Variants in ITGB5 observed in about 807,000 individuals in gnomAD.
ITGB5 encodes the protein integrin subunit beta 5.
A neutral mutation model predicts 84.8 loss-of-function variants in ITGB5; 38 were observed. The ratio of observed to expected loss-of-function variants is 0.45; its 90% CI spans 0.35 to 0.59. ITGB5 has a LOEUF of 0.59. ITGB5 is among the 20% of genes least tolerant of loss of function. The probability of loss-of-function intolerance (pLI) is 0.01; values close to 1 mark genes in which losing one functional copy is unlikely to be tolerated. For missense variants in ITGB5, 905 were observed against 1,034.5 expected, an observed-to-expected ratio of 0.87 and a Z score of 1.72; for synonymous variants, 393 against 414.4, an observed-to-expected ratio of 0.95 and a Z score of 0.63.
intron 1 of ITGB5, among the ~76,000 whole-genome samples, chr3:124,879,890 G>A (rs1241557627): frequency 6.6e-6 from 1 of 152,188 alleles, no homozygotes; most frequent in African/African-American, 2.4e-5. Context: ...TTTAGAAAAG[G>A]GGGTCACAGA....
At chr3:124,892,527 T>TAAA (rs34284622), upstream of ITGB5, among the ~76,000 whole-genome samples, 28 of 106,248 alleles carry the variant, frequency 2.6e-4, no homozygotes, top group Non-Finnish European at 4.2e-4. Flanking sequence ...CCATCTCTAT[T>TAAA]AAAAAAAAAA....
At chr3:124,829,553 C>A (rs1213681173) in intron 5 of ITGB5, among the ~76,000 whole-genome samples, 1 of 152,228 alleles carries the variant, frequency 6.6e-6, no homozygotes, top group Non-Finnish European at 1.5e-5. Flanking sequence ...CTTCTCCCTT[C>A]ACCTATTCCC....
intron 9 of ITGB5, among the ~76,000 whole-genome samples, chr3:124,797,810 C>T (rs986610364): frequency 3.3e-5 from 5 of 152,282 alleles, no homozygotes; most frequent in Admixed American, 2.0e-4. Flanking sequence ...TCTATGAAAA[C>T]GCACAGACAG....
chr3:124,817,016 A>G (rs2064611254), intron 8 of ITGB5, among the ~76,000 whole-genome samples: 1 of 152,156 alleles, frequency 6.6e-6, no homozygotes, highest in Non-Finnish European at 1.5e-5. Context: ...GGAGTTCAAG[A>G]TCAGACCAAC....
At chr3:124,806,641 G>A (rs1336131175) in intron 9 of ITGB5, among the ~76,000 whole-genome samples, 3 of 151,652 alleles carry the variant, frequency 2.0e-5, no homozygotes, top group Admixed American at 1.3e-4. Flanking sequence ...GTTTCACCGT[G>A]TTAGCCAGGA....
At chr3:124,831,099 T>G (rs1251480725) in intron 5 of ITGB5, among the ~76,000 whole-genome samples, 3 of 152,174 alleles carry the variant, frequency 2.0e-5, no homozygotes, top group African/African-American at 7.2e-5. Context: ...AAAGGGTCTA[T>G]TCCCTCTTTT....
chr3:124,829,313 G>A (rs760879818), intron 5 of ITGB5, among the ~76,000 whole-genome samples: 35 of 152,166 alleles, frequency 2.3e-4, no homozygotes, highest in African/African-American at 7.0e-4. Flanking sequence ...AACCAATTTC[G>A]CTAAACATGA....
At chr3:124,786,211 G>A (rs917617622) in intron 10 of ITGB5, among the ~76,000 whole-genome samples, 1 of 152,118 alleles carries the variant, frequency 6.6e-6, no homozygotes, top group Non-Finnish European at 1.5e-5. Context: ...TGTTTCCAAG[G>A]AAATGATCTC....
chr3:124,835,212 G>A (rs1203251109), intron 5 of ITGB5, among the ~76,000 whole-genome samples: 2 of 152,168 alleles, frequency 1.3e-5, no homozygotes, highest in African/African-American at 2.4e-5. Flanking sequence ...AGTTCCCACC[G>A]CTCAACCCAG....
At chr3:124,827,111 A>G (rs1360643469) in intron 5 of ITGB5, among the ~76,000 whole-genome samples, 5 of 152,222 alleles carry the variant, frequency 3.3e-5, no homozygotes, top group African/African-American at 7.2e-5. Context: ...ACAAAACAAC[A>G]AAACAAAACA....
chr3:124,805,211 T>C (rs2064381789), intron 9 of ITGB5, among the ~76,000 whole-genome samples: 1 of 151,674 alleles, frequency 6.6e-6, no homozygotes, highest in Non-Finnish European at 1.5e-5. Context: ...GTCCCAGTCA[T>C]GGCTCACTGC....
At chr3:124,874,329 A>AAAAAAAAAAAAAAAC in intron 1 of ITGB5, among the ~76,000 whole-genome samples, 1 of 151,424 alleles carries the variant, frequency 6.6e-6, no homozygotes, top group African/African-American at 2.4e-5. Flanking sequence ...AAAAAAAAGA[A>AAAAAAAAAAAAAAAC]AGAAAGAAAA....
chr3:124,763,718 C>T lies in ITGB5; in HGVS notation c.2305G>A (p.Ala769Thr). 1 of 1,580,814 alleles carries T rather than the reference C, an allele frequency of 6.3e-7. No individual in the cohort carries two copies. ...GGCTTTCTGTATAATGGATTTGAAG[C>T]CTACAGAACACGGCGGGGAAGAGGA... ...SERSRARYEMASNPLYRKPIS... is the reference protein window; with the variant it reads ...SERSRARYEMTSNPLYRKPIS... Residue 769 changes from alanine to threonine, a missense_variant and splice_region_variant, in exon 15 of 15, where the codon GCT becomes ACT. Ala to Thr is a moderately conservative substitution (Grantham distance 58, BLOSUM62 0). This residue lies in a region of ITGB5 where 133 missense variants were observed against 122.8 expected (regional missense o/e 1.08). Coordinates refer to ENST00000296181, the MANE Select transcript of ITGB5 (RefSeq NM_002213.5).
At chr3:124,781,891 A>G (rs1397513370) in intron 10 of ITGB5, among the ~76,000 whole-genome samples, 2 of 152,004 alleles carry the variant, frequency 1.3e-5, no homozygotes, top group African/African-American at 4.8e-5. Context: ...GTGCAACCTC[A>G]CCCACCTACC....
At position 124,835,403 on chromosome 3, in the gene ITGB5, C is replaced by T. The variant is rs547375730; in HGVS notation, c.780+5980G>A. Among the ~76,000 whole-genome samples the T allele has an allele frequency of 7.2e-5, 11 of 152,378 alleles. No homozygotes were observed. The South Asian group carries it at 2.3e-3, about 32-fold the overall frequency. On this transcript the variant is annotated intron_variant, in intron 5 of 14. Transcript: ENST00000296181. Reference sequence around the variant, plus strand: ...CATAGAAAGCCAAGGGGAAGCTGCGCCACACCTGTCTGACAACAACCCTAC... The same window carrying T: ...CATAGAAAGCCAAGGGGAAGCTGCGTCACACCTGTCTGACAACAACCCTAC...
chr3:124,889,185 C>T (rs1422465767), upstream of ITGB5, among the ~76,000 whole-genome samples: 1 of 152,200 alleles, frequency 6.6e-6, no homozygotes, highest in Non-Finnish European at 1.5e-5. Flanking sequence ...AGTCATCCCT[C>T]TGAGGCTCAC....
Position 124,886,915 on chromosome 3 carries a change from G to C in ITGB5, c.70+16C>G, listed in dbSNP as rs1209004623. The C allele has an allele frequency of 8.3e-7, 1 of 1,209,542 alleles. No individual in the cohort carries two copies. The highest frequency in any genetic ancestry group is 1.0e-6 in the Non-Finnish European group (1 of 972,792). 74.9% of individuals were successfully genotyped at this position (1,209,542 alleles called of 1,614,324 possible). On this transcript the variant is annotated intron_variant, in intron 1 of 14. Coordinates refer to ENST00000296181, the MANE Select transcript of ITGB5 (RefSeq NM_002213.5). The stretch of plus-strand genomic sequence containing the variant: ...GCGACAAAGTTTCTCTGGGCGCCGT[G>C]GGCGGCGCGGCTTACCTGCGAGCCG...
intron 9 of ITGB5, among the ~76,000 whole-genome samples, chr3:124,800,060 GAGGCCCAGAGAGAA>G (rs2064293937): frequency 6.6e-6 from 1 of 152,148 alleles, no homozygotes; most frequent in South Asian, 2.1e-4. Context: ...CCTCCCTTCT[GAGGCCCAGAGAGAA>G]ACTTGCTTGC....
At chr3:124,826,772 G>C (rs1228471049) in intron 5 of ITGB5, among the ~76,000 whole-genome samples, 5 of 152,226 alleles carry the variant, frequency 3.3e-5, no homozygotes, top group African/African-American at 9.6e-5. Flanking sequence ...ATGGAAGGTT[G>C]CATCTAAAAT....
Sources: gnomAD v4.1 joint callset for allele counts (sites outside exome capture counted in the v4.1 genomes callset) on GRCh38, gnomAD v4.1.1 for gene constraint, gnomAD v4.1.1 regional missense constraint, MANE v1.5 for transcripts, NCBI Gene and HGNC (gene_info 2026-07-23, HGNC 2026-07-21) for gene names.